SLC9A7: variants seen among roughly 807,000 people sequenced by gnomAD.
SLC9A7 encodes the protein solute carrier family 9 member A7.
Under a neutral mutation model 52.6 loss-of-function variants are expected in SLC9A7, and 19 were observed. That is an observed-to-expected ratio of 0.36 (90% CI 0.25 to 0.53). SLC9A7 has a LOEUF of 0.53. Among genes scored for constraint, SLC9A7 ranks in the 20% least tolerant of loss-of-function variants. The pLI, the probability that SLC9A7 is intolerant of heterozygous loss-of-function variation, is 0.91. For missense variants in SLC9A7, 455 were observed against 597.9 expected (o/e 0.76, Z 2.49); for synonymous variants, 226 against 252.1 (o/e 0.90, Z 0.98).
At chrX:46,676,942 T>C (rs997401602) in intron 3 of SLC9A7, among the ~76,000 whole-genome samples, 1 of 111,814 alleles carries the variant, frequency 8.9e-6, no homozygotes, top group Non-Finnish European at 1.9e-5. Flanking sequence ...TAACCTCATA[T>C]GCATCATTAA....
intron 10 of SLC9A7, among the ~76,000 whole-genome samples, chrX:46,649,499 A>T (rs1242151862): frequency 8.9e-6 from 1 of 112,168 alleles, no homozygotes; most frequent in Non-Finnish European, 1.9e-5. Context: ...TGCTGTGGAA[A>T]CCAAAGAATG....
chrX:46,732,312 T>G (rs12857768), intron 1 of SLC9A7, among the ~76,000 whole-genome samples: 64 of 99,193 alleles, frequency 6.5e-4, no homozygotes, highest in Middle Eastern at 0.014. Flanking sequence ...AGCACTTTGG[T>G]AGGCTGAGGC....
intron 1 of SLC9A7, among the ~76,000 whole-genome samples, chrX:46,738,727 G>T (rs1340121164): frequency 9.2e-6 from 1 of 108,388 alleles, no homozygotes; most frequent in African/African-American, 3.4e-5. Flanking sequence ...CTGAGATCAT[G>T]CCACTCCACT....
At chrX:46,643,694 AATAAT>A (rs1231581167) in intron 11 of SLC9A7, among the ~76,000 whole-genome samples, 3 of 112,178 alleles carry the variant, frequency 2.7e-5, no homozygotes, top group Non-Finnish European at 5.6e-5. Flanking sequence ...ATAAGTAAAA[AATAAT>A]ATAAGCTAAA....
chrX:46,720,595 C>T (rs1197048149), intron 1 of SLC9A7, among the ~76,000 whole-genome samples: 1 of 110,960 alleles, frequency 9.0e-6, no homozygotes, highest in Non-Finnish European at 1.9e-5. Flanking sequence ...AAAATCCAAG[C>T]TCCTTAACAT....
chrX:46,717,548 T>A (rs1405290114), intron 1 of SLC9A7, among the ~76,000 whole-genome samples: 1 of 110,853 alleles, frequency 9.0e-6, no homozygotes, highest in Non-Finnish European at 1.9e-5. Flanking sequence ...CCTGGCTAAT[T>A]TTTGTATTTT....
At chrX:46,694,831 C>G (rs899300957) in intron 1 of SLC9A7, among the ~76,000 whole-genome samples, 2 of 112,193 alleles carry the variant, frequency 1.8e-5, no homozygotes, top group Non-Finnish European at 3.8e-5. Flanking sequence ...GAAAACAACT[C>G]AAATGTCCAT....
At chrX:46,756,406 T>C (rs1040453441) in intron 1 of SLC9A7, among the ~76,000 whole-genome samples, 5 of 112,528 alleles carry the variant, frequency 4.4e-5, no homozygotes, top group African/African-American at 1.6e-4. Flanking sequence ...AATCATTTCA[T>C]TGTGTTTATC....
intron 1 of SLC9A7, among the ~76,000 whole-genome samples, chrX:46,702,913 C>T (rs1944553083): frequency 8.9e-6 from 1 of 112,227 alleles, no homozygotes; most frequent in Admixed American, 9.4e-5. Flanking sequence ...ATATGTGTTC[C>T]CCTTTTCTGT....
At chrX:46,747,185 T>C (rs1602303710) in intron 1 of SLC9A7, among the ~76,000 whole-genome samples, 1 of 111,852 alleles carries the variant, frequency 8.9e-6, no homozygotes, top group East Asian at 2.8e-4. Flanking sequence ...TGAGTACACA[T>C]ATACAGTTTG....
chrX:46,748,302 C>T (rs749598357), intron 1 of SLC9A7, among the ~76,000 whole-genome samples: 7 of 101,347 alleles, frequency 6.9e-5, no homozygotes, highest in South Asian at 4.5e-4. Context: ...GCCGAGATTG[C>T]GCCATTGCAC....
At chrX:46,698,292 A>G (rs940494445) in intron 1 of SLC9A7, among the ~76,000 whole-genome samples, 30 of 111,369 alleles carry the variant, frequency 2.7e-4, no homozygotes, top group Non-Finnish European at 4.7e-4. Context: ...CTTGTGGGGC[A>G]TCACGGAACC....
Position 46,600,408 on chromosome X carries a change from G to A in SLC9A7, c.*6544C>T, listed in dbSNP as rs1942643258. The stretch of plus-strand genomic sequence containing the variant: ...CCTTTTGAAAGGTGGTCATCAGAAG[G>A]AGAAGGTGACTTCTGCTGTGTGCGC... On this transcript the variant is annotated 3_prime_UTR_variant, in exon 17 of 17. Transcript: ENST00000616978. 9.0e-6 allele frequency: 1 copy of A among 111,661 alleles called. No homozygotes were observed. The highest frequency in any genetic ancestry group is 1.9e-5 in the Non-Finnish European group (1 of 53,170). The allele number at this position is 111,661 out of a possible 1,213,427, so 9.2% of individuals were successfully genotyped here.
intron 8 of SLC9A7, among the ~76,000 whole-genome samples, chrX:46,652,671 T>C (rs898854749): frequency 8.9e-6 from 1 of 112,100 alleles, no homozygotes; most frequent in Non-Finnish European, 1.9e-5. Flanking sequence ...CTACAGTATT[T>C]TGAAAGGGTG....
At chrX:46,615,133 C>T (rs1326113292) in intron 15 of SLC9A7, among the ~76,000 whole-genome samples, 1 of 112,004 alleles carries the variant, frequency 8.9e-6, no homozygotes, top group Non-Finnish European at 1.9e-5. Flanking sequence ...ACCTCCGCCT[C>T]CCAGATTCAA....
chrX:46,618,943 CAAAA>C (rs34008582), intron 15 of SLC9A7, among the ~76,000 whole-genome samples: 2 of 84,327 alleles, frequency 2.4e-5, no homozygotes, highest in Non-Finnish European at 2.4e-5. Flanking sequence ...GACTCTGTCT[CAAAA>C]AAAAAAAAAA....
intron 4 of SLC9A7, among the ~76,000 whole-genome samples, chrX:46,672,266 T>C (rs1248712627): frequency 8.9e-6 from 1 of 111,781 alleles, no homozygotes; most frequent in Non-Finnish European, 1.9e-5. Context: ...GTATATTTCC[T>C]GCCCCAGCCC....
At chrX:46,735,735 A>T (rs1945111537) in intron 1 of SLC9A7, among the ~76,000 whole-genome samples, 2 of 111,096 alleles carry the variant, frequency 1.8e-5, no homozygotes, top group African/African-American at 3.3e-5. Context: ...TGTGAAGGAC[A>T]TTTTCACTGG....
At chrX:46,703,703 A>G (rs1217666895) in intron 1 of SLC9A7, among the ~76,000 whole-genome samples, 1 of 112,009 alleles carries the variant, frequency 8.9e-6, no homozygotes, top group Non-Finnish European at 1.9e-5. Context: ...CCACTCACAT[A>G]ATGGAGTCTA....
Sources: allele counts gnomAD v4.1 joint callset (sites outside exome capture counted in the v4.1 genomes callset), GRCh38; gene constraint gnomAD v4.1.1; transcripts MANE v1.5; gene names NCBI Gene and HGNC (gene_info 2026-07-23, HGNC 2026-07-21).